The following QRFPR variants were observed in gnomAD, a reference collection of about 807,000 sequenced individuals.
QRFPR encodes the protein pyroglutamylated RF-amide peptide receptor.
QRFPR carries 37 observed loss-of-function variants against 31.3 expected under a neutral mutation model. The ratio of observed to expected loss-of-function variants is 1.18; its 90% CI spans 0.91 to 1.56. The LOEUF is 1.56. Among genes scored for constraint, QRFPR ranks in the 40% most tolerant of loss-of-function variants. QRFPR has a pLI of 0.00. For missense variants in QRFPR, 542 were observed against 532.5 expected (o/e 1.02, Z -0.18); for synonymous variants, 197 against 192.0 (o/e 1.03, Z -0.22).
intron 1 of QRFPR, chr4:121,369,847 CCTCTCTTCTTTTGT>C: frequency 1.0e-6 from 1 of 971,594 alleles, no homozygotes; most frequent in Non-Finnish European, 1.7e-6. Flanking sequence ...ATGCAGGTGG[CCTCTCTTCTTTTGT>C]TATCTCTCCA....
intron 1 of QRFPR, among the ~76,000 whole-genome samples, chr4:121,379,088 T>C (rs1726418008): frequency 6.6e-6 from 1 of 152,178 alleles, no homozygotes. Context: ...CATAAGAAAG[T>C]CTCTAATCCA....
intron 1 of QRFPR, among the ~76,000 whole-genome samples, chr4:121,359,729 GTA>G (rs897105528): frequency 2.0e-5 from 3 of 150,554 alleles, no homozygotes; most frequent in Non-Finnish European, 3.0e-5. Context: ...ATATGTGTGT[GTA>G]TATATATATT....
rs573128499 is a variant in QRFPR, at chr4:121,380,939, G to A, written c.-292C>T. On this transcript the variant is annotated 5_prime_UTR_variant, in exon 1 of 6. Transcript: ENST00000394427. Reference sequence around the variant, plus strand: ...AAGTTCTTCCCTTGCTCTTCCCTAAGGCGAGGCGCCGCCACGGTCTGGGGT... The same window carrying A: ...AAGTTCTTCCCTTGCTCTTCCCTAAAGCGAGGCGCCGCCACGGTCTGGGGT... The A allele has an allele frequency of 5.3e-4, 197 of 371,062 alleles. No homozygotes were observed. The highest frequency in any genetic ancestry group is 8.6e-4 in the Non-Finnish European group (178 of 206,920). 23.0% of individuals were successfully genotyped at this position (371,062 alleles called of 1,614,324 possible). A position where few individuals can be genotyped will look rare whatever the true frequency, so the allele number is the denominator to read the frequency against.
intron 1 of QRFPR, among the ~76,000 whole-genome samples, chr4:121,358,939 C>A (rs1172406343): frequency 6.6e-6 from 1 of 152,176 alleles, no homozygotes; most frequent in Admixed American, 6.5e-5. Context: ...ATTATTATTT[C>A]TGCTTGTATG....
At position 121,365,566 on chromosome 4, in the gene QRFPR, TATATATA is replaced by T. The variant is rs1726098096; in HGVS notation, c.340+14735_340+14741del. 7.2e-3 allele frequency among the ~76,000 whole-genome samples: 21 copies of T among 2,912 alleles called. 1 individual carries two copies. Among genetic ancestry groups the T allele is most frequent in the South Asian group, 0.011 (1 of 88 alleles). 1.9% of individuals were successfully genotyped at this position (2,912 alleles called of 152,430 possible). A position where few individuals can be genotyped will look rare whatever the true frequency, so the allele number is the denominator to read the frequency against. ...ATTATATATAATATATAATATATATTATATATAATATATATTATATATATTATATATA... is the reference window on the plus strand; with the variant it reads ...ATTATATATAATATATAATATATATTATATATATTATATATATTATATATA... On this transcript the variant is annotated intron_variant, in intron 1 of 5. Transcript: ENST00000394427.
intron 3 of QRFPR, among the ~76,000 whole-genome samples, chr4:121,335,808 G>A (rs1427626135): frequency 6.6e-6 from 1 of 152,112 alleles, no homozygotes; most frequent in African/African-American, 2.4e-5. Flanking sequence ...CTGAGTGAAA[G>A]TAACCAGAGA....
At chr4:121,342,298 G>A (rs1376652533) in intron 1 of QRFPR, among the ~76,000 whole-genome samples, 3 of 152,124 alleles carry the variant, frequency 2.0e-5, no homozygotes, top group Non-Finnish European at 4.4e-5. Flanking sequence ...GCTTGAACTG[G>A]ATCTCCACCA....
At chr4:121,358,613 G>A (rs1161701946) in intron 1 of QRFPR, among the ~76,000 whole-genome samples, 1 of 152,118 alleles carries the variant, frequency 6.6e-6, no homozygotes, top group African/African-American at 2.4e-5. Flanking sequence ...AGGGAAGTTT[G>A]TGTTTTATAG....
intron 4 of QRFPR, among the ~76,000 whole-genome samples, chr4:121,331,238 G>A (rs1028318835): frequency 5.6e-5 from 8 of 143,358 alleles, no homozygotes; most frequent in African/African-American, 2.2e-4. Context: ...AGGCTGTAGA[G>A]GAGTGGTGCA....
chr4:121,329,768 A>T, intron 5 of QRFPR, 54 bp from the exon 6 acceptor site: 2 of 1,248,678 alleles, frequency 1.6e-6, no homozygotes, highest in South Asian at 3.4e-5. Flanking sequence ...GTATAAAATA[A>T]AACTTCTGTT....
At chr4:121,354,410 T>C (rs1182741385) in intron 1 of QRFPR, among the ~76,000 whole-genome samples, 1 of 152,044 alleles carries the variant, frequency 6.6e-6, no homozygotes, top group Non-Finnish European at 1.5e-5. Flanking sequence ...ATAGTTTTCA[T>C]TGTAGAAATC....
intron 1 of QRFPR, among the ~76,000 whole-genome samples, chr4:121,371,428 C>T (rs1326444776): frequency 6.6e-6 from 1 of 152,188 alleles, no homozygotes; most frequent in South Asian, 2.1e-4. Flanking sequence ...GTTCACTGAC[C>T]TTTCAATAAT....
chr4:121,357,640 C>A (rs1366779830), intron 1 of QRFPR, among the ~76,000 whole-genome samples: 4 of 152,170 alleles, frequency 2.6e-5, no homozygotes, highest in Non-Finnish European at 4.4e-5. Flanking sequence ...GTTGGAATAA[C>A]CTGGGAGCTT....
At chr4:121,356,298 A>G (rs1265210561) in intron 1 of QRFPR, among the ~76,000 whole-genome samples, 1 of 152,156 alleles carries the variant, frequency 6.6e-6, no homozygotes, top group African/African-American at 2.4e-5. Flanking sequence ...AATTTCTCTG[A>G]TACAATTCTG....
At chr4:121,377,267 C>T (rs1208664443) in intron 1 of QRFPR, among the ~76,000 whole-genome samples, 1 of 152,162 alleles carries the variant, frequency 6.6e-6, no homozygotes, top group Non-Finnish European at 1.5e-5. Context: ...TGCTGCAATC[C>T]TGCCCCCTTT....
intron 1 of QRFPR, among the ~76,000 whole-genome samples, chr4:121,348,229 C>T (rs1725694802): frequency 6.6e-6 from 1 of 152,106 alleles, no homozygotes; most frequent in South Asian, 2.1e-4. Flanking sequence ...ATGATAATAA[C>T]AGTACTTCCC....
At chr4:121,348,379 A>G (rs536249775) in intron 1 of QRFPR, among the ~76,000 whole-genome samples, 1 of 152,184 alleles carries the variant, frequency 6.6e-6, no homozygotes, top group East Asian at 1.9e-4. Context: ...TTAACATCAC[A>G]TATATTCTGC....
chr4:121,335,320 A>G (rs1431151919), intron 3 of QRFPR, among the ~76,000 whole-genome samples: 2 of 152,096 alleles, frequency 1.3e-5, no homozygotes, highest in East Asian at 3.9e-4. Flanking sequence ...AGAGTGAATC[A>G]TTATGAAAAG....
chr4:121,378,369 C>T (rs1024285694), intron 1 of QRFPR, among the ~76,000 whole-genome samples: 8 of 151,684 alleles, frequency 5.3e-5, no homozygotes, highest in African/African-American at 1.9e-4. Context: ...GCCATGATTC[C>T]CCAACATGAA....
Sources: gnomAD v4.1 joint callset for allele counts (sites outside exome capture counted in the v4.1 genomes callset) on GRCh38, gnomAD v4.1.1 for gene constraint, MANE v1.5 for transcripts, NCBI Gene and HGNC (gene_info 2026-07-23, HGNC 2026-07-21) for gene names.